SLC12A3: variants seen among roughly 807,000 people sequenced by gnomAD.
The protein encoded by SLC12A3 is Na-Cl cotransporter.
Under a neutral mutation model 121.0 loss-of-function variants are expected in SLC12A3, and 104 were observed. That is an observed-to-expected ratio of 0.86 (90% CI 0.73 to 1.01). SLC12A3 has a LOEUF of 1.01. Ranked by LOEUF, SLC12A3 falls within the 50% of genes least tolerant of loss-of-function variation. The probability of loss-of-function intolerance (pLI) is 0.00; values close to 1 mark genes in which losing one functional copy is unlikely to be tolerated. For synonymous variants in SLC12A3, 536 were observed against 533.4 expected (o/e 1.00, Z -0.07); for missense variants, 1,328 against 1,356.3 (o/e 0.98, Z 0.33).
intron 8 of SLC12A3, among the ~76,000 whole-genome samples, chr16:56,874,244 T>C (rs888124309): frequency 2.0e-4 from 30 of 152,360 alleles, no homozygotes; most frequent in African/African-American, 7.0e-4. Flanking sequence ...GTTTGAGCAG[T>C]AGCACAAAGT....
chr16:56,869,744 T>G lies in SLC12A3; in HGVS notation c.521T>G (p.Ile174Ser). 1.2e-6 allele frequency: 2 copies of G among 1,614,122 alleles called. No individual in the cohort carries two copies. Among genetic ancestry groups the G allele is most frequent in the Non-Finnish European group, 1.7e-6 (2 of 1,179,998 alleles). The change falls in exon 4 of 26, where the codon ATC becomes AGC. Residue 174 changes from isoleucine to serine, a missense_variant. By Grantham distance (142) the Ile-to-Ser change is moderately radical. Coordinates refer to ENST00000563236, the MANE Select transcript of SLC12A3 (RefSeq NM_001126108.2). ...CCCCCTGCAGTCCTGACCTGGATCATCATCCTGCTGTCGGTCACGGTGACC... is the reference window on the plus strand; with the variant it reads ...CCCCCTGCAGTCCTGACCTGGATCAGCATCCTGCTGTCGGTCACGGTGACC... ...AQAGIVLTWI[I>S]ILLSVTVTSI... is the part of the protein sequence containing the mutation.
At chr16:56,896,654 G>A (rs1370282340) in intron 22 of SLC12A3, among the ~76,000 whole-genome samples, 3 of 152,218 alleles carry the variant, frequency 2.0e-5, no homozygotes, top group African/African-American at 7.2e-5. Context: ...TTGAGGCTGA[G>A]GCAGGAGGAT....
At chr16:56,911,968 T>C (rs1302531869) in intron 25 of SLC12A3, among the ~76,000 whole-genome samples, 2 of 152,246 alleles carry the variant, frequency 1.3e-5, no homozygotes, top group Non-Finnish European at 2.9e-5. Flanking sequence ...GTGTTCTTGC[T>C]TTAGGGAAGA....
chr16:56,899,808 G>A (rs1220048271), intron 23 of SLC12A3, among the ~76,000 whole-genome samples, 192 bp downstream of exon 23: 6 of 152,248 alleles, frequency 3.9e-5, no homozygotes, highest in South Asian at 2.1e-4. Flanking sequence ...GGGCTGAGGG[G>A]ACCACAGGGC....
chr16:56,909,992 A>G (rs1458492283), intron 25 of SLC12A3, among the ~76,000 whole-genome samples: 1 of 152,210 alleles, frequency 6.6e-6, no homozygotes, highest in African/African-American at 2.4e-5. Flanking sequence ...CCAGCCTCAT[A>G]AAAAGCCCAG....
chr16:56,887,798 A>ATATTTTTTTTTTTT (rs1433682477), intron 17 of SLC12A3, 127 bp from the exon 18 acceptor site: 1 of 68,456 alleles, frequency 1.5e-5, no homozygotes, highest in African/African-American at 5.7e-5. Flanking sequence ...ATATATATAT[A>ATATTTTTTTTTTTT]TTTTTTTTTT....
intron 18 of SLC12A3, among the ~76,000 whole-genome samples, chr16:56,888,949 G>C (rs1164918797): frequency 6.6e-6 from 1 of 152,168 alleles, no homozygotes; most frequent in East Asian, 1.9e-4. Context: ...GGTGCACAGG[G>C]AACCAGCTCA....
chr16:56,878,009 TA>T, intron 8 of SLC12A3, 67 bp from the exon 9 acceptor site: 1 of 920,468 alleles, frequency 1.1e-6, no homozygotes, highest in Non-Finnish European at 1.7e-6. Flanking sequence ...AGGGGCTGCC[TA>T]ATGTCCTCCG....
At chr16:56,874,900 G>C (rs2055146778) in intron 8 of SLC12A3, among the ~76,000 whole-genome samples, 1 of 152,218 alleles carries the variant, frequency 6.6e-6, no homozygotes, top group East Asian at 1.9e-4. Context: ...GTGTTGGGCA[G>C]GGCCTGGAAA....
intron 24 of SLC12A3, 171 bp from the exon 25 acceptor site, chr16:56,904,224 G>T (rs1175599095): frequency 1.5e-6 from 1 of 667,476 alleles, no homozygotes; most frequent in Non-Finnish European, 2.8e-6. Flanking sequence ...CCATTACTCT[G>T]AGGGTCCCCT....
At chr16:56,904,264 A>G (rs1339923849) in intron 24 of SLC12A3, 131 bp from the exon 25 acceptor site, 1 of 899,818 alleles carries the variant, frequency 1.1e-6, no homozygotes, top group South Asian at 1.3e-5. Flanking sequence ...CTCTATAAGA[A>G]TTTATGAGGC....
chr16:56,905,584 C>T (rs903007177), intron 25 of SLC12A3, among the ~76,000 whole-genome samples: 6 of 151,772 alleles, frequency 4.0e-5, no homozygotes, highest in African/African-American at 7.3e-5. Flanking sequence ...CCGAAATGTT[C>T]GTGGAAACTG....
chr16:56,867,069 G>A lies in SLC12A3; in HGVS notation c.283-1G>A. The A allele has an allele frequency of 6.2e-7, 1 of 1,612,226 alleles. No homozygotes were observed. Among genetic ancestry groups the A allele is most frequent in the Non-Finnish European group, 8.5e-7 (1 of 1,180,024 alleles). ...CTGACTTGTGGTCTCTGGGCTGCCA[G>A]CAGGAAGGCAGACACCTGCATGCCC... On this transcript the variant is annotated splice_acceptor_variant, in intron 1 of 25. Transcript: ENST00000563236. LOFTEE classifies it high-confidence loss of function.
At chr16:56,890,546 G>C (rs1426235910) in intron 19 of SLC12A3, among the ~76,000 whole-genome samples, 190 bp downstream of exon 19, 1 of 152,196 alleles carries the variant, frequency 6.6e-6, no homozygotes, top group African/African-American at 2.4e-5. Flanking sequence ...CTTCCCAGGT[G>C]GGGCAGAGCC....
chr16:56,878,216 A>T, intron 9 of SLC12A3, 55 bp downstream of exon 9: 1 of 1,342,258 alleles, frequency 7.5e-7, no homozygotes, highest in Non-Finnish European at 1.1e-6. Flanking sequence ...TCCACCCTGC[A>T]GTGTCCCAAA....
intron 9 of SLC12A3, 75 bp downstream of exon 9, chr16:56,878,236 A>G: frequency 8.9e-7 from 1 of 1,128,408 alleles, no homozygotes; most frequent in Non-Finnish European, 1.3e-6. Flanking sequence ...AACCCTGACC[A>G]CTGGAGGGGA....
chr16:56,893,995 A>ATTTT (rs1161930985), intron 21 of SLC12A3, among the ~76,000 whole-genome samples: 1 of 137,900 alleles, frequency 7.3e-6, no homozygotes, highest in Non-Finnish European at 1.5e-5. Flanking sequence ...TTATTTATTT[A>ATTTT]TTTATTTATT....
In SLC12A3 at chr16:56,915,054, T is replaced by G. The variant is rs116128729; in HGVS notation, c.*1649T>G. ...CGGAAGGCCTTCAGGTCACTACACGTTGAACATCCCCAGTGTTTGAGCCCC... is the reference window on the plus strand; with the variant it reads ...CGGAAGGCCTTCAGGTCACTACACGGTGAACATCCCCAGTGTTTGAGCCCC... On this transcript the variant is annotated 3_prime_UTR_variant, in exon 26 of 26. Coordinates refer to ENST00000563236, the MANE Select transcript of SLC12A3 (RefSeq NM_001126108.2). The G allele has an allele frequency of 1.3e-5, 2 of 152,374 alleles. No individual in the cohort carries two copies. Among genetic ancestry groups the G allele is most frequent in the African/African-American group, 4.8e-5 (2 of 41,546 alleles). 9.4% of individuals were successfully genotyped at this position (152,374 alleles called of 1,614,324 possible). A position where few individuals can be genotyped will look rare whatever the true frequency, so the allele number is the denominator to read the frequency against.
At position 56,878,157 on chromosome 16, in the gene SLC12A3, C is replaced by A. The variant is rs117440321; in HGVS notation, c.1176C>A (p.Thr392=). The A allele has an allele frequency of 4.6e-5, 74 of 1,611,102 alleles. No homozygotes were observed. In the African/African-American group the frequency reaches 9.0e-4, roughly 20 times the overall value. ...TTISYLAISA[T]IGSCVVRDAS... ...TTTCCTACCTGGCCATCTCAGCCAC[C>A]ATTGGTAAGTGGCCGGCCCAGCCAG... The change falls in exon 9 of 26, where the codon ACC becomes ACA. Residue 392 remains threonine (T), a synonymous_variant. Coordinates refer to ENST00000563236, the MANE Select transcript of SLC12A3 (RefSeq NM_001126108.2).
Sources: gnomAD v4.1 joint callset for allele counts (sites outside exome capture counted in the v4.1 genomes callset) on GRCh38, gnomAD v4.1.1 for gene constraint, MANE v1.5 for transcripts, NCBI Gene and HGNC (gene_info 2026-07-23, HGNC 2026-07-21) for gene names.